GBE1: variants seen among roughly 807,000 people sequenced by gnomAD.
The protein encoded by GBE1 is 1,4-alpha-glucan branching enzyme 1.
GBE1 carries 70 observed loss-of-function variants against 88.8 expected under a neutral mutation model. That is an observed-to-expected ratio of 0.79 (90% CI 0.65 to 0.96). The LOEUF (loss-of-function observed/expected upper bound fraction) is 0.96. Ranked by LOEUF, GBE1 falls within the 40% of genes least tolerant of loss-of-function variation. The pLI, the probability that GBE1 is intolerant of heterozygous loss-of-function variation, is 0.00. For synonymous variants in GBE1, 284 were observed against 300.1 expected, an observed-to-expected ratio of 0.95 and a Z score of 0.56; for missense variants, 872 against 871.0, an observed-to-expected ratio of 1.00 and a Z score of -0.01.
rs541474614 is a variant in GBE1 at position 81,558,011 on chromosome 3, T to A, written c.1618+19914A>T. 2.0e-4 allele frequency among the ~76,000 whole-genome samples: 31 copies of A among 152,038 alleles called. No homozygotes were observed. The South Asian group carries it at 6.2e-3, about 31-fold the overall frequency. On this transcript the variant is annotated intron_variant, in intron 12 of 15. Transcript: ENST00000429644. ...AATTGTGAGACGGCATCAGGGAAAG[T>A]ACAAGAGTTTGAGAGGTGGGTAGCG...
intron 12 of GBE1, among the ~76,000 whole-genome samples, chr3:81,556,954 T>C (rs1703357535): frequency 6.6e-6 from 1 of 152,124 alleles, no homozygotes; most frequent in Non-Finnish European, 1.5e-5. Context: ...TTATCGAACA[T>C]TTATTAAATA....
chr3:81,644,795 T>G (rs1392147340), intron 6 of GBE1, among the ~76,000 whole-genome samples: 1 of 152,048 alleles, frequency 6.6e-6, no homozygotes, highest in African/African-American at 2.4e-5. Context: ...AAAAGATAAT[T>G]GCAAGTTGGA....
chr3:81,734,570 T>A (rs549131516), intron 1 of GBE1, among the ~76,000 whole-genome samples: 1 of 152,154 alleles, frequency 6.6e-6, no homozygotes, highest in African/African-American at 2.4e-5. Context: ...TTCCTGATCA[T>A]CAGATTCAAA....
At chr3:81,565,647 A>G (rs745585349) in intron 12 of GBE1, among the ~76,000 whole-genome samples, 8 of 152,320 alleles carry the variant, frequency 5.3e-5, no homozygotes, top group South Asian at 2.1e-4. Flanking sequence ...AATCCTTTAA[A>G]TTTAGTAATG....
chr3:81,659,199 TA>T (rs1469336875), intron 3 of GBE1, among the ~76,000 whole-genome samples: 1 of 152,092 alleles, frequency 6.6e-6, no homozygotes, highest in African/African-American at 2.4e-5. Flanking sequence ...AGTGATAGGA[TA>T]GGGGAAGCAC....
chr3:81,723,261 G>GT (rs1189151311), intron 1 of GBE1, among the ~76,000 whole-genome samples: 3,097 of 73,504 alleles, frequency 0.042, 94 homozygotes, highest in African/African-American at 0.093. Context: ...AAGTTGTTTT[G>GT]TTTTTTTTTT....
At chr3:81,664,449 A>C (rs1326515323) in intron 3 of GBE1, among the ~76,000 whole-genome samples, 1 of 151,722 alleles carries the variant, frequency 6.6e-6, no homozygotes, top group African/African-American at 2.4e-5. Flanking sequence ...CAAAAAAAAA[A>C]AAAAAAAAAC....
At chr3:81,653,122 AT>A (rs1264766281) in intron 3 of GBE1, among the ~76,000 whole-genome samples, 3 of 152,284 alleles carry the variant, frequency 2.0e-5, no homozygotes, top group Non-Finnish European at 4.4e-5. Flanking sequence ...ATAAAGCAGT[AT>A]AAAATTTCTG....
chr3:81,602,852 A>G, intron 7 of GBE1, among the ~76,000 whole-genome samples: 1 of 152,218 alleles, frequency 6.6e-6, no homozygotes, highest in Non-Finnish European at 1.5e-5. Context: ...TATTCAAAGA[A>G]AATACTTTTG....
At chr3:81,638,123 G>T (rs1704616810) in intron 7 of GBE1, among the ~76,000 whole-genome samples, 1 of 152,038 alleles carries the variant, frequency 6.6e-6, no homozygotes, top group Non-Finnish European at 1.5e-5. Flanking sequence ...TCTATCCTAA[G>T]AGTACTTTAT....
At chr3:81,712,601 G>A (rs1705884685) in intron 1 of GBE1, among the ~76,000 whole-genome samples, 1 of 147,488 alleles carries the variant, frequency 6.8e-6, no homozygotes, top group Non-Finnish European at 1.5e-5. Context: ...TGAACAATGA[G>A]AACACTTGGA....
intron 7 of GBE1, among the ~76,000 whole-genome samples, chr3:81,604,092 T>G (rs969876597): frequency 3.3e-5 from 5 of 152,028 alleles, no homozygotes; most frequent in Non-Finnish European, 5.9e-5. Flanking sequence ...TGAGAGACAA[T>G]AAGAGACAAA....
chr3:81,496,830 T>C (rs912133668), intron 15 of GBE1, among the ~76,000 whole-genome samples: 4 of 152,134 alleles, frequency 2.6e-5, no homozygotes, highest in Non-Finnish European at 5.9e-5. Context: ...TTAAAACGAG[T>C]GATCTTATCA....
intron 10 of GBE1, among the ~76,000 whole-genome samples, chr3:81,584,101 C>T (rs1703766504): frequency 6.6e-6 from 1 of 151,918 alleles, no homozygotes; most frequent in Admixed American, 6.6e-5. Flanking sequence ...TTAACATAAA[C>T]ACTTCAAAAA....
At chr3:81,737,309 A>T (rs1530672) in intron 1 of GBE1, among the ~76,000 whole-genome samples, 61,320 of 127,332 alleles carry the variant, frequency 0.48, 14,039 homozygotes, top group East Asian at 0.55. Context: ...ATAAATATAT[A>T]TTTATATATA....
At chr3:81,678,392 A>G (rs143730669) in intron 2 of GBE1, among the ~76,000 whole-genome samples, 3 of 152,314 alleles carry the variant, frequency 2.0e-5, no homozygotes, top group Admixed American at 6.5e-5. Context: ...TAAGGGATTT[A>G]TGGGAGAAAA....
intron 8 of GBE1, among the ~76,000 whole-genome samples, chr3:81,592,091 T>C (rs1326689806): frequency 1.3e-5 from 2 of 152,150 alleles, no homozygotes; most frequent in Non-Finnish European, 2.9e-5. Flanking sequence ...TACTGATTAC[T>C]ATACTCAAAT....
intron 3 of GBE1, among the ~76,000 whole-genome samples, chr3:81,667,299 T>C (rs995908125): frequency 3.3e-5 from 5 of 152,214 alleles, no homozygotes; most frequent in Admixed American, 6.5e-5. Context: ...TGATTTTGTA[T>C]CCTGAGACTC....
chr3:81,536,170 G>A (rs769309927), intron 13 of GBE1, among the ~76,000 whole-genome samples: 1 of 151,436 alleles, frequency 6.6e-6, no homozygotes, highest in African/African-American at 2.4e-5. Context: ...TCGTGTCATG[G>A]AACAAATCTT....
Sources: allele counts gnomAD v4.1 joint callset (sites outside exome capture counted in the v4.1 genomes callset), GRCh38; gene constraint gnomAD v4.1.1; transcripts MANE v1.5; gene names NCBI Gene and HGNC (gene_info 2026-07-23, HGNC 2026-07-21).